Variants in HMGN5 observed in about 807,000 individuals in gnomAD.
HMGN5 encodes the protein high mobility group nucleosome binding domain 5, also known as high mobility group nucleosome-binding domain-containing protein 5.
Under a neutral mutation model 9.5 loss-of-function variants are expected in HMGN5, and 4 were observed. The observed-to-expected ratio is 0.42, with a 90% CI of 0.21 to 0.96. The LOEUF (loss-of-function observed/expected upper bound fraction) is 0.96, where lower values mean the gene tolerates loss of function less well. Among genes scored for constraint, HMGN5 ranks in the 40% least tolerant of loss-of-function variants. The pLI is 0.30. For missense variants in HMGN5, 192 were observed against 187.5 expected (o/e 1.02, Z -0.14); for synonymous variants, 55 against 57.1 (o/e 0.96, Z 0.16).
intron 1 of HMGN5, among the ~76,000 whole-genome samples, chrX:81,198,679 C>G (rs1272655965): frequency 9.0e-6 from 1 of 111,630 alleles, no homozygotes; most frequent in East Asian, 2.8e-4. Context: ...ATTTAACAGC[C>G]CTTCATGCTA....
At chrX:81,145,586 G>T (rs977937722) in intron 1 of HMGN5, among the ~76,000 whole-genome samples, 5 of 111,737 alleles carry the variant, frequency 4.5e-5, no homozygotes, top group Non-Finnish European at 7.5e-5. Flanking sequence ...TGAAGAAACT[G>T]CATCAACTAA....
intron 1 of HMGN5, among the ~76,000 whole-genome samples, chrX:81,162,801 G>A (rs1005526837): frequency 9.0e-6 from 1 of 111,336 alleles, no homozygotes; most frequent in African/African-American, 3.3e-5. Context: ...GTCATTATGC[G>A]ACTTAGAGGT....
rs1035806957 is a variant in HMGN5 at position 81,132,912 on chromosome X, G to A, written c.-123-11240C>T. ...TAAACAAACAAACACCACCAATAGA[G>A]TAGACAGACAACCTACAGAATGGGA... On this transcript the variant is annotated intron_variant, in intron 1 of 6. Coordinates refer to ENST00000358130, the MANE Select transcript of HMGN5 (RefSeq NM_030763.3). Among the ~76,000 whole-genome samples the A allele has an allele frequency of 9.0e-5, 10 of 111,369 alleles. No homozygotes were observed. The Admixed American group carries it at 9.5e-4, about 11-fold the overall frequency.
chrX:81,138,992 CAT>C (rs1411435769), intron 1 of HMGN5, among the ~76,000 whole-genome samples: 12 of 111,721 alleles, frequency 1.1e-4, no homozygotes, highest in African/African-American at 3.9e-4. Flanking sequence ...AATGGAGAGA[CAT>C]ATCACGCTCA....
intron 1 of HMGN5, among the ~76,000 whole-genome samples, chrX:81,128,037 C>G (rs2075289089): frequency 9.0e-6 from 1 of 111,066 alleles, no homozygotes; most frequent in Admixed American, 9.6e-5. Context: ...TTGGAGGCAT[C>G]ATATATATGT....
intron 3 of HMGN5, among the ~76,000 whole-genome samples, chrX:81,119,383 T>C (rs752604019): frequency 2.7e-4 from 30 of 111,657 alleles, no homozygotes; most frequent in African/African-American, 9.4e-4. Context: ...TAACAAAAAC[T>C]ATATAGTACT....
At chrX:81,121,265 T>C (rs927936654) in intron 2 of HMGN5, among the ~76,000 whole-genome samples, 2 of 109,896 alleles carry the variant, frequency 1.8e-5, no homozygotes, top group East Asian at 2.9e-4. Flanking sequence ...CCCAGCGCTA[T>C]GGCTGTTTGT....
chrX:81,200,745 A>C (rs1397439893), intron 1 of HMGN5, among the ~76,000 whole-genome samples: 1 of 111,068 alleles, frequency 9.0e-6, no homozygotes, highest in Non-Finnish European at 1.9e-5. Flanking sequence ...ATTAGGTGAA[A>C]TACCTAATGT....
chrX:81,130,829 G>C (rs1367947607), intron 1 of HMGN5, among the ~76,000 whole-genome samples: 3 of 111,235 alleles, frequency 2.7e-5, no homozygotes, highest in Middle Eastern at 4.6e-3. Context: ...ATTTGACTCT[G>C]ATTCTTGAGA....
In HMGN5 at chrX:81,152,363, A is replaced by G. The variant is rs1183928661; in HGVS notation, c.-123-30691T>C. Among the ~76,000 whole-genome samples, 5 of 112,191 alleles carry G rather than the reference A, an allele frequency of 4.5e-5. No homozygotes were observed. In the East Asian group the frequency reaches 1.4e-3, roughly 31 times the overall value. On this transcript the variant is annotated intron_variant, in intron 1 of 6. Coordinates refer to ENST00000358130, the MANE Select transcript of HMGN5 (RefSeq NM_030763.3). ...ATGAACAGACACTTCTCAAAAGAGG[A>G]CATTTATGCAGCCAAAAAACACATG...
intron 1 of HMGN5, among the ~76,000 whole-genome samples, chrX:81,135,006 A>C (rs1227408911): frequency 8.9e-6 from 1 of 111,923 alleles, no homozygotes. Context: ...TGTAAGAGTG[A>C]AAACAATAAA....
rs1341150959 is a variant in HMGN5 at position 81,114,828 on chromosome X, T to C, written c.670A>G (p.Lys224Glu). 8.6e-7 allele frequency: 1 copy of C among 1,159,542 alleles called. No homozygotes were observed. The highest frequency in any genetic ancestry group is 1.8e-5 in the African/African-American group (1 of 54,951). The change falls in exon 7 of 7, where the codon AAA becomes GAA. Residue 224 changes from lysine to glutamate, a missense_variant. Lys to Glu is a moderately conservative substitution (Grantham distance 56). Transcript: ENST00000358130. ...GKEKGDKKEG[K>E]DVKVKEDEKE... ...TCATCTTCTTTGACTTTTACATCTTTCCCCTCTTTTTTATCTCCCTTCTCT... is the reference window on the plus strand; with the variant it reads ...TCATCTTCTTTGACTTTTACATCTTCCCCCTCTTTTTTATCTCCCTTCTCT...
intron 1 of HMGN5, among the ~76,000 whole-genome samples, chrX:81,134,612 G>A (rs1441866905): frequency 9.0e-6 from 1 of 111,263 alleles, no homozygotes; most frequent in Non-Finnish European, 1.9e-5. Flanking sequence ...TGTATCTGCA[G>A]TTTAACACAT....
At chrX:81,153,152 TA>T (rs1034735881) in intron 1 of HMGN5, among the ~76,000 whole-genome samples, 24 of 106,176 alleles carry the variant, frequency 2.3e-4, no homozygotes, top group Admixed American at 1.8e-3. Flanking sequence ...TAATAATAAT[TA>T]AAAAAAATAA....
intron 1 of HMGN5, among the ~76,000 whole-genome samples, chrX:81,187,527 C>CT (rs771645785): frequency 1.8e-5 from 2 of 111,390 alleles, no homozygotes; most frequent in Non-Finnish European, 3.8e-5. Context: ...TACTCTTCCT[C>CT]TTTTTTTGTT....
At chrX:81,128,784 T>G (rs1345839166) in intron 1 of HMGN5, among the ~76,000 whole-genome samples, 1 of 112,198 alleles carries the variant, frequency 8.9e-6, no homozygotes, top group African/African-American at 3.2e-5. Flanking sequence ...ATGCTAATTT[T>G]TGTCAATAAA....
At chrX:81,166,921 A>G (rs1164166711) in intron 1 of HMGN5, among the ~76,000 whole-genome samples, 1 of 111,489 alleles carries the variant, frequency 9.0e-6, no homozygotes, top group Non-Finnish European at 1.9e-5. Context: ...GACTCCCAGA[A>G]TACCACATCC....
chrX:81,173,232 G>A (rs547037642), intron 1 of HMGN5, among the ~76,000 whole-genome samples: 1 of 110,992 alleles, frequency 9.0e-6, no homozygotes, highest in African/African-American at 3.3e-5. Flanking sequence ...ATACTGATAT[G>A]AGAAGGTTTC....
At chrX:81,162,392 A>G (rs954047228) in intron 1 of HMGN5, among the ~76,000 whole-genome samples, 1 of 109,401 alleles carries the variant, frequency 9.1e-6, no homozygotes, top group Non-Finnish European at 1.9e-5. Flanking sequence ...TCAGCTGCAA[A>G]CATAAGCTTT....
Sources: allele counts gnomAD v4.1 joint callset (sites outside exome capture counted in the v4.1 genomes callset), GRCh38; gene constraint gnomAD v4.1.1; transcripts MANE v1.5; gene names NCBI Gene and HGNC (gene_info 2026-07-23, HGNC 2026-07-21).